Variants in ELMO1 observed in about 807,000 individuals in gnomAD.
The protein encoded by ELMO1 is engulfment and cell motility 1.
In ELMO1, 26 loss-of-function variants were observed where a neutral mutation model predicts 98.9. The observed-to-expected ratio is 0.26, with a 90% CI of 0.19 to 0.36. The LOEUF (loss-of-function observed/expected upper bound fraction) is 0.36. Ranked by LOEUF, ELMO1 falls within the 10% of genes least tolerant of loss-of-function variation. The pLI, the probability that ELMO1 is intolerant of heterozygous loss-of-function variation, is 1.00. For missense variants in ELMO1, 627 were observed against 935.2 expected (o/e 0.67, Z 4.30); for synonymous variants, 346 against 346.0 (o/e 1.00, Z 0.00).
chr7:37,031,037 C>T (rs912395960), intron 15 of ELMO1, among the ~76,000 whole-genome samples: 34 of 152,166 alleles, frequency 2.2e-4, no homozygotes, highest in African/African-American at 8.2e-4. Context: ...ACTCTTCTCT[C>T]AATCACCATC....
chr7:37,140,974 G>A (rs1190417489), intron 13 of ELMO1, among the ~76,000 whole-genome samples: 1 of 152,128 alleles, frequency 6.6e-6, no homozygotes, highest in Non-Finnish European at 1.5e-5. Flanking sequence ...ACAGTGTGGA[G>A]GTTCCTTAAA....
At chr7:37,303,248 C>T (rs1340058758) in intron 4 of ELMO1, among the ~76,000 whole-genome samples, 4 of 152,146 alleles carry the variant, frequency 2.6e-5, no homozygotes, top group Non-Finnish European at 5.9e-5. Flanking sequence ...GGAGCACAAC[C>T]ATCAGTAGTC....
intron 16 of ELMO1, among the ~76,000 whole-genome samples, chr7:36,996,399 T>C (rs1792212301): frequency 6.6e-6 from 1 of 151,708 alleles, no homozygotes; most frequent in Non-Finnish European, 1.5e-5. Flanking sequence ...TCAATTTAAG[T>C]AACATTTGTT....
At chr7:36,941,054 T>G (rs140964555) in intron 16 of ELMO1, among the ~76,000 whole-genome samples, 1 of 152,218 alleles carries the variant, frequency 6.6e-6, no homozygotes, top group Non-Finnish European at 1.5e-5. Flanking sequence ...GCCTAAATAA[T>G]GTAAATGAAA....
intron 19 of ELMO1, among the ~76,000 whole-genome samples, chr7:36,874,202 T>C (rs1052422653): frequency 3.7e-4 from 56 of 152,252 alleles, no homozygotes; most frequent in Non-Finnish European, 7.2e-4. Context: ...CTATCCCATA[T>C]GGTTGCTCTG....
intron 7 of ELMO1, among the ~76,000 whole-genome samples, chr7:37,242,102 A>T (rs1794792810): frequency 6.6e-6 from 1 of 151,654 alleles, no homozygotes. Context: ...TCCTTTTGGG[A>T]CTCCAATTAA....
intron 7 of ELMO1, among the ~76,000 whole-genome samples, chr7:37,237,570 G>A (rs759718089): frequency 1.3e-5 from 2 of 152,144 alleles, no homozygotes; most frequent in Non-Finnish European, 2.9e-5. Flanking sequence ...GATTACAGGC[G>A]TGAACCACCA....
chr7:37,293,007 A>T (rs199506479), intron 4 of ELMO1, among the ~76,000 whole-genome samples: 1 of 40,574 alleles, frequency 2.5e-5, no homozygotes, highest in Non-Finnish European at 5.0e-5. Flanking sequence ...GTGAGGAGCC[A>T]CTCTGCCCAG....
chr7:37,234,848 G>A (rs919084478), intron 7 of ELMO1, among the ~76,000 whole-genome samples: 1 of 152,190 alleles, frequency 6.6e-6, no homozygotes, highest in Non-Finnish European at 1.5e-5. Flanking sequence ...TTTTTAAAAC[G>A]TGAATGAAGG....
chr7:37,153,632 T>C (rs1285982886), intron 13 of ELMO1, among the ~76,000 whole-genome samples: 1 of 151,426 alleles, frequency 6.6e-6, no homozygotes, highest in African/African-American at 2.4e-5. Flanking sequence ...ATGTTCACAG[T>C]GTAAACAAAG....
chr7:37,391,421 G>A (rs935168582), intron 1 of ELMO1, among the ~76,000 whole-genome samples: 3 of 152,126 alleles, frequency 2.0e-5, no homozygotes, highest in Non-Finnish European at 4.4e-5. Context: ...CAGCCCAGAA[G>A]TAGTTATTTA....
At chr7:37,318,558 C>G (rs1799325014) in intron 2 of ELMO1, among the ~76,000 whole-genome samples, 1 of 152,094 alleles carries the variant, frequency 6.6e-6, no homozygotes, top group South Asian at 2.1e-4. Context: ...ACAGAGGTCT[C>G]TAGGGTACTA....
chr7:37,239,038 T>G (rs1163064614), intron 7 of ELMO1, among the ~76,000 whole-genome samples: 1 of 152,222 alleles, frequency 6.6e-6, no homozygotes, highest in Non-Finnish European at 1.5e-5. Context: ...CATAAAATAA[T>G]GAGAACTGGT....
chr7:37,427,102 G>C (rs961438871), intron 1 of ELMO1, among the ~76,000 whole-genome samples: 1 of 152,114 alleles, frequency 6.6e-6, no homozygotes, highest in Non-Finnish European at 1.5e-5. Context: ...AGACCACAAG[G>C]GGGTCTTCTT....
intron 1 of ELMO1, chr7:37,375,731 A>G (rs777400060): frequency 2.4e-6 from 3 of 1,229,900 alleles, no homozygotes; most frequent in Non-Finnish European, 3.6e-6. Flanking sequence ...TTCTACTGGT[A>G]CCTTACCAAT....
intron 21 of ELMO1, among the ~76,000 whole-genome samples, chr7:36,857,089 A>G (rs1424502375): frequency 1.3e-5 from 2 of 152,184 alleles, no homozygotes; most frequent in Non-Finnish European, 2.9e-5. Flanking sequence ...AGCTGAGGAG[A>G]TGCACAATGG....
At chr7:36,952,529 C>T (rs1323754327) in intron 16 of ELMO1, among the ~76,000 whole-genome samples, 3 of 152,164 alleles carry the variant, frequency 2.0e-5, no homozygotes, top group African/African-American at 7.2e-5. Flanking sequence ...GGCAGCACCT[C>T]CATATCATCA....
intron 16 of ELMO1, among the ~76,000 whole-genome samples, chr7:36,905,966 G>C (rs1270145017): frequency 6.6e-6 from 1 of 152,224 alleles, no homozygotes; most frequent in Non-Finnish European, 1.5e-5. Context: ...TGCATAAGCT[G>C]TTAAATAGTG....
At chr7:37,194,922 T>TATTC (rs147594298) in intron 13 of ELMO1, among the ~76,000 whole-genome samples, 5,437 of 152,306 alleles carry the variant, frequency 0.036, 335 homozygotes, top group African/African-American at 0.12. Flanking sequence ...TTAATTGATC[T>TATTC]ATTCATTCAT....
Sources: gnomAD v4.1 joint callset for allele counts (sites outside exome capture counted in the v4.1 genomes callset) on GRCh38, gnomAD v4.1.1 for gene constraint, MANE v1.5 for transcripts, NCBI Gene and HGNC (gene_info 2026-07-23, HGNC 2026-07-21) for gene names.